Variants in DLG2 observed in about 807,000 individuals in gnomAD.
DLG2 encodes the protein disks large homolog 2.
DLG2 carries 45 observed loss-of-function variants against 132.5 expected under a neutral mutation model. That is an observed-to-expected ratio of 0.34 (90% CI 0.27 to 0.44). The LOEUF (loss-of-function observed/expected upper bound fraction) is 0.44. Among genes scored for constraint, DLG2 ranks in the 20% least tolerant of loss-of-function variants. The pLI, the probability that DLG2 is intolerant of heterozygous loss-of-function variation, is 1.00. For missense variants in DLG2, 1,045 were observed against 1,196.9 expected (o/e 0.87, Z 1.87); for synonymous variants, 424 against 419.6 (o/e 1.01, Z -0.13).
intron 3 of DLG2, among the ~76,000 whole-genome samples, chr11:85,493,486 A>G (rs1308748955): frequency 6.6e-6 from 1 of 152,194 alleles, no homozygotes; most frequent in Non-Finnish European, 1.5e-5. Context: ...ACAAAGTACC[A>G]TGAACTGCGT....
At chr11:84,018,568 C>T (rs568434999) in intron 11 of DLG2, among the ~76,000 whole-genome samples, 28 of 151,972 alleles carry the variant, frequency 1.8e-4, no homozygotes, top group Non-Finnish European at 3.5e-4. Context: ...AATAATATTA[C>T]TTGCTTTATT....
chr11:83,723,896 C>A (rs544754226), intron 18 of DLG2, among the ~76,000 whole-genome samples: 47 of 151,996 alleles, frequency 3.1e-4, no homozygotes, highest in Non-Finnish European at 6.5e-4. Context: ...AAGCATGAAC[C>A]TCAGAAATTG....
Position 84,943,814 on chromosome 11 carries a change from G to A in DLG2, c.357+167847C>T, listed in dbSNP as rs185954724. 1.6e-3 allele frequency among the ~76,000 whole-genome samples: 240 copies of A among 152,158 alleles called. 3 individuals are homozygous for A. Among genetic ancestry groups the A allele is most frequent in the African/African-American group, 5.7e-3 (235 of 41,502 alleles). ...GTGTTATAATATTCTATACTTGTCT[G>A]TGTGCTTACTATTACCAGTGAGTTT... On this transcript the variant is annotated intron_variant, in intron 6 of 27. Transcript: ENST00000376104.
At chr11:84,942,749 G>A (rs2049627003) in intron 6 of DLG2, among the ~76,000 whole-genome samples, 1 of 152,088 alleles carries the variant, frequency 6.6e-6, no homozygotes, top group Non-Finnish European at 1.5e-5. Flanking sequence ...TTTGGTCTAT[G>A]GTGCAGATTG....
chr11:84,125,911 A>G (rs2094147908), intron 9 of DLG2, among the ~76,000 whole-genome samples: 2 of 152,256 alleles, frequency 1.3e-5, no homozygotes, highest in Admixed American at 1.3e-4. Context: ...TTTATCTGAA[A>G]AAGACTGCTT....
chr11:83,789,125 G>A (rs1274448600), intron 17 of DLG2, among the ~76,000 whole-genome samples: 1 of 152,160 alleles, frequency 6.6e-6, no homozygotes, highest in African/African-American at 2.4e-5. Flanking sequence ...TTAGAAAAAA[G>A]TGTTGTTAGA....
intron 19 of DLG2, among the ~76,000 whole-genome samples, chr11:83,553,878 C>T: frequency 6.7e-6 from 1 of 148,258 alleles, no homozygotes. Context: ...ATTCCAATAG[C>T]ACAATCTTTT....
At chr11:85,582,693 A>AAAAAAAAAAAAAC (rs2078626115) in intron 3 of DLG2, among the ~76,000 whole-genome samples, 3 of 139,852 alleles carry the variant, frequency 2.1e-5, no homozygotes, top group Non-Finnish European at 3.1e-5. Context: ...AAAAAAAAAA[A>AAAAAAAAAAAAAC]AAAAAAAAAA....
chr11:84,590,077 T>C (rs1043152283), intron 6 of DLG2, among the ~76,000 whole-genome samples: 1 of 152,198 alleles, frequency 6.6e-6, no homozygotes, highest in African/African-American at 2.4e-5. Flanking sequence ...TAACATGACA[T>C]GTCAACTTGT....
chr11:85,089,576 T>C (rs2068445435), intron 6 of DLG2, among the ~76,000 whole-genome samples: 1 of 152,214 alleles, frequency 6.6e-6, no homozygotes, highest in Non-Finnish European at 1.5e-5. Flanking sequence ...TTATGAATAG[T>C]ACTGTAATGA....
chr11:84,570,445 C>T (rs1156370682), intron 6 of DLG2, among the ~76,000 whole-genome samples: 1 of 152,030 alleles, frequency 6.6e-6, no homozygotes, highest in Non-Finnish European at 1.5e-5. Flanking sequence ...TGGTATGTGT[C>T]TCTCCTCTCT....
chr11:84,552,299 A>G (rs968432914), intron 6 of DLG2, among the ~76,000 whole-genome samples: 1 of 152,016 alleles, frequency 6.6e-6, no homozygotes, highest in Non-Finnish European at 1.5e-5. Flanking sequence ...CTACCCCAAC[A>G]CACCAACTTT....
intron 6 of DLG2, among the ~76,000 whole-genome samples, chr11:84,907,644 T>C (rs1025760604): frequency 1.3e-5 from 2 of 152,188 alleles, no homozygotes; most frequent in African/African-American, 2.4e-5. Context: ...GAGGAGATTA[T>C]ACTAGTACAT....
chr11:84,509,099 C>A (rs1380338719), intron 7 of DLG2, among the ~76,000 whole-genome samples: 1 of 152,198 alleles, frequency 6.6e-6, no homozygotes. Context: ...TAAGCTAGTG[C>A]TAATATATAT....
chr11:83,703,848 G>A (rs978105151), intron 18 of DLG2, among the ~76,000 whole-genome samples: 1 of 151,982 alleles, frequency 6.6e-6, no homozygotes, highest in Admixed American at 6.5e-5. Context: ...GTTTAATAAT[G>A]GTAAATAGGC....
chr11:85,274,025 T>C (rs2077720212), intron 4 of DLG2, among the ~76,000 whole-genome samples: 1 of 152,146 alleles, frequency 6.6e-6, no homozygotes, highest in Admixed American at 6.5e-5. Flanking sequence ...AAACACCACA[T>C]GTTCTCACTC....
Position 83,633,311 on chromosome 11 carries a change from C to A in DLG2, c.1840G>T (p.Glu614Ter). The change falls in exon 19 of 28, where the codon GAG (glutamate) becomes TAG (stop). Residue 614 changes from glutamate to a stop codon, truncating the protein, a stop_gained. Transcript: ENST00000376104. LOFTEE classifies it high-confidence loss of function. Reference sequence around the variant, plus strand: ...TCTCGTAGGTCATGGATTTTGGCCTCAAATCGAGCGTAATCTGGGAATGAA... The same window carrying A: ...TCTCGTAGGTCATGGATTTTGGCCTAAAATCGAGCGTAATCTGGGAATGAA... Reference protein sequence around the residue: ...QYQPEDYARFEAKIHDLREQM... With the variant: ...QYQPEDYARF 6.2e-7 allele frequency: 1 copy of A among 1,613,428 alleles called. No homozygotes were observed. The highest frequency in any genetic ancestry group is 8.5e-7 in the Non-Finnish European group (1 of 1,179,638).
At position 84,844,428 on chromosome 11, in the gene DLG2, A is replaced by C. The variant is rs552262658; in HGVS notation, c.357+267233T>G. 2.0e-5 allele frequency among the ~76,000 whole-genome samples: 3 copies of C among 151,830 alleles called. No individual in the cohort carries two copies. In the East Asian group the frequency reaches 5.9e-4, roughly 30 times the overall value. On this transcript the variant is annotated intron_variant, in intron 6 of 27. Coordinates refer to ENST00000376104, the MANE Select transcript of DLG2 (RefSeq NM_001142699.3). Reference sequence around the variant, plus strand: ...GATGAGAGGACGGTCCCCTCCCCACATTCCACAATTTCTCTTCATCCCTCC... The same window carrying C: ...GATGAGAGGACGGTCCCCTCCCCACCTTCCACAATTTCTCTTCATCCCTCC...
At chr11:84,713,847 T>C (rs1274543250) in intron 6 of DLG2, among the ~76,000 whole-genome samples, 4 of 152,116 alleles carry the variant, frequency 2.6e-5, no homozygotes, top group Non-Finnish European at 5.9e-5. Context: ...AAGATGTTGA[T>C]TTTATTTTTA....
Sources: allele counts gnomAD v4.1 joint callset (sites outside exome capture counted in the v4.1 genomes callset), GRCh38; gene constraint gnomAD v4.1.1; transcripts MANE v1.5; gene names NCBI Gene and HGNC (gene_info 2026-07-23, HGNC 2026-07-21).